Variants in ADRA1A observed in about 807,000 individuals in gnomAD.
ADRA1A encodes the protein adrenoceptor alpha 1A.
A neutral mutation model predicts 29.6 loss-of-function variants in ADRA1A; 31 were observed. The observed-to-expected ratio is 1.05, with a 90% confidence interval of 0.79 to 1.41. The LOEUF (loss-of-function observed/expected upper bound fraction) is 1.41. Ranked by LOEUF, ADRA1A falls within the 40% of genes most tolerant of loss-of-function variation. The probability of loss-of-function intolerance (pLI) is 0.00; values close to 1 mark genes in which losing one functional copy is unlikely to be tolerated. For missense variants in ADRA1A, 619 were observed against 601.1 expected (o/e 1.03, Z -0.31); for synonymous variants, 311 against 254.3 (o/e 1.22, Z -2.12).
intron 2 of ADRA1A, among the ~76,000 whole-genome samples, chr8:26,813,147 G>A (rs1332434825): frequency 3.3e-5 from 5 of 152,020 alleles, no homozygotes; most frequent in African/African-American, 1.2e-4. Context: ...AACATACTAG[G>A]GAAAAGTTTT....
At chr8:26,757,336 G>A (rs549662566) in intron 2 of ADRA1A, among the ~76,000 whole-genome samples, 4 of 152,288 alleles carry the variant, frequency 2.6e-5, no homozygotes, top group Admixed American at 2.0e-4. Context: ...TGAGCTTGCA[G>A]TGTGGACTTC....
At chr8:26,763,220 G>T (rs1286053037), downstream of ADRA1A, among the ~76,000 whole-genome samples, 2 of 152,162 alleles carry the variant, frequency 1.3e-5, no homozygotes, top group South Asian at 4.1e-4. The surrounding 1 kb of genome is among the most constrained non-coding windows in gnomAD (Gnocchi z 4.5). Flanking sequence ...CTGGTGTGGG[G>T]TGCCATGTCC....
chr8:26,798,587 T>A (rs1247698779), intron 2 of ADRA1A, among the ~76,000 whole-genome samples: 1 of 152,186 alleles, frequency 6.6e-6, no homozygotes, highest in Non-Finnish European at 1.5e-5. Context: ...GATGTTCATT[T>A]AATGCATGTG....
chr8:26,770,266 GC>G lies in ADRA1A; in HGVS notation c.1283del (p.Ser428ThrfsTer9). 1 of 1,614,178 alleles carries G rather than the reference GC, an allele frequency of 6.2e-7. No homozygotes were observed. On this transcript the variant is annotated frameshift_variant, in exon 3 of 3. Transcript: ENST00000380573. LOFTEE classifies it high-confidence loss of function. ...CTACACAGCAGCAGACCTGCAAAAA[GC>G]TTTTACTTCTCACCCGGGCTGTGGT... The part of the protein sequence containing the change: ...SCTTARVRSK[S>X]FLQVCCCVGP...
rs1010243542 is a variant in ADRA1A, at chr8:26,867,101, G to GAT, written c.-854_-853dup. On this transcript the variant is annotated 5_prime_UTR_variant, in exon 1 of 3. Transcript: ENST00000380573. ...CCCGCTGACTCACCCCTCCACCACT[G>GAT]ATGTCTTTAAGCTCCTGAACCGCTG... is the stretch of plus-strand genomic sequence containing the variant. 4.5e-5 allele frequency: 44 copies of GAT among 985,422 alleles called. No individual in the cohort carries two copies. The African/African-American group carries it at 6.3e-4, about 14-fold the overall frequency. The allele number at this position is 985,422 out of a possible 1,614,324, so 61.0% of individuals were successfully genotyped here.
Position 26,816,129 on chromosome 8 carries a change from GC to G in ADRA1A, c.884-45464del, listed in dbSNP as rs1224059563. On this transcript the variant is annotated intron_variant, in intron 2 of 2. Transcript: ENST00000380573. ...AGGCCTGAGGGCGTGGGGAGGAGCA[GC>G]CCTACAGGATAGATGTAAAATCCCA... is the stretch of plus-strand genomic sequence containing the variant. Among the ~76,000 whole-genome samples, 3 of 152,174 alleles carry G rather than the reference GC, an allele frequency of 2.0e-5. No individual in the cohort carries two copies. In the East Asian group the frequency reaches 5.8e-4, roughly 29 times the overall value.
chr8:26,837,772 A>G (rs566682150), intron 2 of ADRA1A, among the ~76,000 whole-genome samples: 1 of 152,104 alleles, frequency 6.6e-6, no homozygotes, highest in African/African-American at 2.4e-5. Flanking sequence ...AGAATTTTGC[A>G]AGGGCTATTC....
intron 2 of ADRA1A, among the ~76,000 whole-genome samples, chr8:26,818,909 C>T (rs929100115): frequency 4.0e-5 from 6 of 151,864 alleles, no homozygotes; most frequent in South Asian, 2.1e-4. Flanking sequence ...AGAGAGAAAG[C>T]GGCAGAAAGC....
intron 2 of ADRA1A, among the ~76,000 whole-genome samples, chr8:26,844,877 G>T (rs1174645181): frequency 3.3e-5 from 5 of 152,184 alleles, no homozygotes; most frequent in South Asian, 4.1e-4. Context: ...AAGAAGAGTT[G>T]TCTTGGGACA....
chr8:26,865,414 A>G lies in ADRA1A; in HGVS notation c.-445T>C. 1.0e-6 allele frequency: 1 copy of G among 1,004,064 alleles called. No individual in the cohort carries two copies. Among genetic ancestry groups the G allele is most frequent in the Non-Finnish European group, 1.2e-6 (1 of 841,228 alleles). 62.2% of individuals were successfully genotyped at this position (1,004,064 alleles called of 1,614,324 possible). On this transcript the variant is annotated 5_prime_UTR_variant, in exon 2 of 3. Coordinates refer to ENST00000380573, the MANE Select transcript of ADRA1A (RefSeq NM_000680.4). This position sits in a 1 kb window ranked among gnomAD's most constrained non-coding sequence, Gnocchi z 7.6. The stretch of plus-strand genomic sequence containing the variant: ...CACATGATTCGGAATTCAAAACTCC[A>G]GCGCCAGTCTCTCCCTCAAACCAAA...
At chr8:26,748,788 C>T (rs1005160119) in intron 2 of ADRA1A, 1 of 397,786 alleles carries the variant, frequency 2.5e-6, no homozygotes, top group Non-Finnish European at 4.8e-6. Flanking sequence ...AACTATTGAC[C>T]TAATTTTTCC....
In ADRA1A at chr8:26,831,001, T is replaced by C. The variant is rs1220460922; in HGVS notation, c.883+33086A>G. ...GTCTGTAGAAGTGTCTTTGTTCTCA[T>C]GGATGCACTGTTACTTCCTGGACTT... On this transcript the variant is annotated intron_variant, in intron 2 of 2. Coordinates refer to ENST00000380573, the MANE Select transcript of ADRA1A (RefSeq NM_000680.4). The surrounding 1 kb of genome is among the most constrained non-coding windows in gnomAD (Gnocchi z 5.2). Among the ~76,000 whole-genome samples, 4 of 152,166 alleles carry C rather than the reference T, an allele frequency of 2.6e-5. No homozygotes were observed. The highest frequency in any genetic ancestry group is 9.7e-5 in the African/African-American group (4 of 41,432).
chr8:26,756,804 A>G, intron 2 of ADRA1A: 1 of 1,605,306 alleles, frequency 6.2e-7, no homozygotes. Flanking sequence ...GTAGACTAAC[A>G]TTTAATTAAT....
At chr8:26,786,237 T>A (rs934413742) in intron 2 of ADRA1A, among the ~76,000 whole-genome samples, 14 of 119,982 alleles carry the variant, frequency 1.2e-4, no homozygotes, top group Admixed American at 5.7e-4. Flanking sequence ...TTTTTATTTT[T>A]AAATTTTTTT....
At chr8:26,778,835 C>A (rs892579075) in intron 2 of ADRA1A, among the ~76,000 whole-genome samples, 2 of 151,494 alleles carry the variant, frequency 1.3e-5, no homozygotes, top group Admixed American at 6.6e-5. Flanking sequence ...AGGAGATATA[C>A]CTAATGTAAA....
chr8:26,753,398 C>T (rs1805007097), downstream of ADRA1A, among the ~76,000 whole-genome samples: 1 of 152,022 alleles, frequency 6.6e-6, no homozygotes, highest in Admixed American at 6.6e-5. Context: ...CCCTGTACAC[C>T]CTATGTCCAA....
At chr8:26,858,861 C>G (rs986777546) in intron 2 of ADRA1A, among the ~76,000 whole-genome samples, 2 of 152,164 alleles carry the variant, frequency 1.3e-5, no homozygotes, top group East Asian at 3.9e-4. Flanking sequence ...AAAAATGGAA[C>G]AAGATTAGCA....
At chr8:26,851,754 A>G (rs981253734) in intron 2 of ADRA1A, among the ~76,000 whole-genome samples, 18 of 152,182 alleles carry the variant, frequency 1.2e-4, no homozygotes, top group African/African-American at 4.3e-4. Flanking sequence ...AAACATATAT[A>G]AAGCAAAACT....
intron 2 of ADRA1A, among the ~76,000 whole-genome samples, chr8:26,839,747 C>T (rs1007031416): frequency 6.6e-5 from 10 of 152,134 alleles, no homozygotes; most frequent in African/African-American, 2.4e-4. Flanking sequence ...ATATTTCTTC[C>T]TTAGTGCCCT....
Sources: gnomAD v4.1 joint callset for allele counts (sites outside exome capture counted in the v4.1 genomes callset) on GRCh38, gnomAD v4.1.1 for gene constraint, Gnocchi (gnomAD v3.1) non-coding constraint, MANE v1.5 for transcripts, NCBI Gene and HGNC (gene_info 2026-07-23, HGNC 2026-07-21) for gene names.